The following ADGRB3 variants were observed in gnomAD, a reference collection of about 807,000 sequenced individuals.
ADGRB3 encodes the protein brain-specific angiogenesis inhibitor 3.
A neutral mutation model predicts 193.4 loss-of-function variants in ADGRB3; 37 were observed. The ratio of observed to expected loss-of-function variants is 0.19; its 90% CI spans 0.15 to 0.25. ADGRB3 has a LOEUF of 0.25. Among genes scored for constraint, ADGRB3 ranks in the 10% least tolerant of loss-of-function variants. ADGRB3 has a pLI of 1.00. For synonymous variants in ADGRB3, 690 were observed against 644.2 expected, an observed-to-expected ratio of 1.07 and a Z score of -1.08; for missense variants, 1,637 against 1,852.9, an observed-to-expected ratio of 0.88 and a Z score of 2.14.
In ADGRB3 at chr6:69,011,135, A is replaced by ATGTGTG. The variant is rs66675226; in HGVS notation, c.1930-2875_1930-2870dup. ...TTAGTATGTGTATATATACATATAT[A>ATGTGTG]TGTGTGTGTGTGTGTGTGTGTGTGT... On this transcript the variant is annotated intron_variant, in intron 11 of 31. Transcript: ENST00000370598. 8.4e-3 allele frequency among the ~76,000 whole-genome samples: 1,215 copies of ATGTGTG among 145,010 alleles called. 14 individuals are homozygous for ATGTGTG. The highest frequency in any genetic ancestry group is 0.028 in the African/African-American group (1,101 of 38,794).
At chr6:68,971,190 G>A (rs62418299) in intron 8 of ADGRB3, among the ~76,000 whole-genome samples, 13,169 of 152,122 alleles carry the variant, frequency 0.087, 723 homozygotes, top group Non-Finnish European at 0.13. Flanking sequence ...AAAAAATGAC[G>A]TCTGTATTGA....
intron 10 of ADGRB3, among the ~76,000 whole-genome samples, chr6:68,991,995 A>G (rs1769252573): frequency 1.3e-5 from 2 of 152,080 alleles, no homozygotes; most frequent in Non-Finnish European, 2.9e-5. Context: ...GGGCATAACA[A>G]CTGAATTCAC....
intron 8 of ADGRB3, among the ~76,000 whole-genome samples, chr6:68,961,021 T>C (rs1331343125): frequency 6.6e-6 from 1 of 152,140 alleles, no homozygotes; most frequent in Admixed American, 6.6e-5. Flanking sequence ...TCAACAAAAT[T>C]GCAAAATTTT....
At chr6:69,336,340 A>T (rs1768846493) in intron 24 of ADGRB3, among the ~76,000 whole-genome samples, 1 of 151,684 alleles carries the variant, frequency 6.6e-6, no homozygotes, top group Admixed American at 6.6e-5. Context: ...ACTGCCTTAA[A>T]CGTCTTTGTC....
intron 3 of ADGRB3, among the ~76,000 whole-genome samples, chr6:68,788,934 T>G (rs1767038607): frequency 2.0e-5 from 3 of 152,286 alleles, no homozygotes; most frequent in African/African-American, 4.8e-5. Flanking sequence ...CTTTTGAACT[T>G]TGTTGGTTTA....
intron 3 of ADGRB3, among the ~76,000 whole-genome samples, chr6:68,926,286 T>C (rs889040226): frequency 6.6e-6 from 1 of 152,092 alleles, no homozygotes; most frequent in African/African-American, 2.4e-5. Flanking sequence ...AATCTAATAA[T>C]TATAATGAAA....
At chr6:69,102,891 G>A (rs1465140031) in intron 17 of ADGRB3, among the ~76,000 whole-genome samples, 1 of 152,016 alleles carries the variant, frequency 6.6e-6, no homozygotes, top group Non-Finnish European at 1.5e-5. Context: ...TCATTTTTAT[G>A]GTTAGAGTTA....
At position 69,203,049 on chromosome 6, in the gene ADGRB3, C is replaced by G. The variant is rs187859135; in HGVS notation, c.2481-30241C>G. The stretch of plus-strand genomic sequence containing the variant: ...CCATGGCAGATAGTAGTCATGGTAA[C>G]ATAACATAGTGATCACAGCCATTAA... On this transcript the variant is annotated intron_variant, in intron 17 of 31. Transcript: ENST00000370598. Among the ~76,000 whole-genome samples the G allele has an allele frequency of 6.2e-4, 94 of 152,022 alleles. 1 individual carries two copies. Among genetic ancestry groups the G allele is most frequent in the Middle Eastern group, 3.4e-3 (1 of 294 alleles).
chr6:68,676,624 G>A (rs190430391), intron 3 of ADGRB3, among the ~76,000 whole-genome samples: 54 of 152,160 alleles, frequency 3.5e-4, no homozygotes, highest in African/African-American at 1.1e-3. Context: ...CGTTGTTTTT[G>A]TTTCCTAATA....
At chr6:69,060,375 G>C (rs1454485947) in intron 15 of ADGRB3, among the ~76,000 whole-genome samples, 2 of 151,890 alleles carry the variant, frequency 1.3e-5, no homozygotes, top group Non-Finnish European at 2.9e-5. Flanking sequence ...CCTGCAGAAG[G>C]CAACTTATTG....
At chr6:69,218,790 G>T (rs1361215032) in intron 17 of ADGRB3, among the ~76,000 whole-genome samples, 1 of 152,080 alleles carries the variant, frequency 6.6e-6, no homozygotes, top group African/African-American at 2.4e-5. Context: ...AATTTATGGG[G>T]TCATACACAA....
chr6:68,889,243 G>A (rs1174562211), intron 3 of ADGRB3, among the ~76,000 whole-genome samples: 1 of 152,112 alleles, frequency 6.6e-6, no homozygotes, highest in Non-Finnish European at 1.5e-5. Flanking sequence ...TTGAAATTCA[G>A]ACTTCATTTA....
chr6:68,741,915 C>T (rs1402703681), intron 3 of ADGRB3, among the ~76,000 whole-genome samples: 1 of 152,098 alleles, frequency 6.6e-6, no homozygotes, highest in Admixed American at 6.6e-5. Flanking sequence ...TTATCATTCA[C>T]GAGTTCACAT....
intron 24 of ADGRB3, among the ~76,000 whole-genome samples, chr6:69,336,436 C>T (rs1001824508): frequency 2.3e-4 from 35 of 151,062 alleles, no homozygotes; most frequent in Non-Finnish European, 4.1e-4. Flanking sequence ...GAGAGGCTGG[C>T]GCATTTCCTT....
chr6:68,982,280 A>T (rs1294712829), intron 10 of ADGRB3, among the ~76,000 whole-genome samples: 1 of 152,184 alleles, frequency 6.6e-6, no homozygotes, highest in Non-Finnish European at 1.5e-5. Context: ...AAATAAACAT[A>T]TGGGTTTCAA....
intron 3 of ADGRB3, among the ~76,000 whole-genome samples, chr6:68,829,455 A>T (rs1767913549): frequency 6.6e-6 from 1 of 152,080 alleles, no homozygotes; most frequent in African/African-American, 2.4e-5. Context: ...TCATTGCTGT[A>T]GAACCAAAGC....
chr6:68,980,517 A>G (rs1010440501), intron 10 of ADGRB3, among the ~76,000 whole-genome samples: 3 of 151,640 alleles, frequency 2.0e-5, no homozygotes, highest in Admixed American at 6.6e-5. Flanking sequence ...ACAAATGCTC[A>G]GCACATTGCC....
intron 13 of ADGRB3, among the ~76,000 whole-genome samples, chr6:69,019,845 T>C (rs1278249403): frequency 2.0e-5 from 3 of 152,106 alleles, no homozygotes; most frequent in Middle Eastern, 3.4e-3. Flanking sequence ...ATGGTATCTT[T>C]GTTGAACGAT....
Position 68,943,827 on chromosome 6 carries a change from C to G in ADGRB3, c.1031-3C>G. Reference sequence around the variant, plus strand: ...TTGTTGAAGCTTCTTTGCTTTATTACAGTACACGGAGTATGGGAGGAATGG... The same window carrying G: ...TTGTTGAAGCTTCTTTGCTTTATTAGAGTACACGGAGTATGGGAGGAATGG... On this transcript the variant is annotated splice_polypyrimidine_tract_variant and splice_region_variant and intron_variant, in intron 5 of 31. Transcript: ENST00000370598. 1 of 1,600,808 alleles carries G rather than the reference C, an allele frequency of 6.2e-7. No homozygotes were observed.
Sources: gnomAD v4.1 joint callset for allele counts (sites outside exome capture counted in the v4.1 genomes callset) on GRCh38, gnomAD v4.1.1 for gene constraint, MANE v1.5 for transcripts, NCBI Gene and HGNC (gene_info 2026-07-23, HGNC 2026-07-21) for gene names.